The following BTRC variants were observed in gnomAD, a reference collection of about 807,000 sequenced individuals.
The protein encoded by BTRC is beta-transducin repeat containing E3 ubiquitin protein ligase, also known as F-box/WD repeat-containing protein 1A.
In BTRC, 42 loss-of-function variants were observed where a neutral mutation model predicts 85.5. The ratio of observed to expected loss-of-function variants is 0.49; its 90% confidence interval spans 0.38 to 0.64. The LOEUF (loss-of-function observed/expected upper bound fraction) is 0.64. Among genes scored for constraint, BTRC ranks in the 30% least tolerant of loss-of-function variants. The probability of loss-of-function intolerance (pLI) is 0.00; values close to 1 mark genes in which losing one functional copy is unlikely to be tolerated. For missense variants in BTRC, 594 were observed against 743.5 expected (o/e 0.80, Z 2.34); for synonymous variants, 255 against 263.3 (o/e 0.97, Z 0.30).
intron 1 of BTRC, among the ~76,000 whole-genome samples, chr10:101,368,151 T>A (rs565950737): frequency 6.6e-6 from 1 of 152,322 alleles, no homozygotes; most frequent in East Asian, 1.9e-4. Context: ...CTTTTGGAAA[T>A]AAGTGAGTTC....
chr10:101,470,519 G>A (rs1219478096), intron 3 of BTRC, among the ~76,000 whole-genome samples: 4 of 151,750 alleles, frequency 2.6e-5, no homozygotes, highest in Admixed American at 1.3e-4. Context: ...TAGTAGAGAC[G>A]GGGTTTCACC....
chr10:101,395,361 T>C (rs1943338190), intron 1 of BTRC, among the ~76,000 whole-genome samples: 1 of 152,210 alleles, frequency 6.6e-6, no homozygotes, highest in South Asian at 2.1e-4. Flanking sequence ...CCCTCTGTGC[T>C]GCTGTTCTTC....
At chr10:101,367,266 C>T (rs1348099314) in intron 1 of BTRC, among the ~76,000 whole-genome samples, 2 of 149,958 alleles carry the variant, frequency 1.3e-5, no homozygotes, top group Non-Finnish European at 2.9e-5. Flanking sequence ...GACAAGGTTT[C>T]GCCATGTTGG....
intron 1 of BTRC, among the ~76,000 whole-genome samples, chr10:101,372,652 G>A (rs1942672918): frequency 6.7e-6 from 1 of 149,684 alleles, no homozygotes; most frequent in South Asian, 2.1e-4. Context: ...ATCACCTGAG[G>A]TCAGGAGTTG....
chr10:101,545,721 T>C (rs1281009688), intron 13 of BTRC, among the ~76,000 whole-genome samples: 2 of 152,214 alleles, frequency 1.3e-5, no homozygotes, highest in African/African-American at 2.4e-5. Context: ...GGGAAATTAA[T>C]TTCTATTTTT....
chr10:101,461,157 C>T (rs1375725256), intron 2 of BTRC, among the ~76,000 whole-genome samples: 1 of 152,152 alleles, frequency 6.6e-6, no homozygotes, highest in Non-Finnish European at 1.5e-5. Flanking sequence ...CCGCCTTGGC[C>T]TCCCAAAGTG....
At chr10:101,397,399 G>A (rs912688465) in intron 1 of BTRC, among the ~76,000 whole-genome samples, 1 of 152,176 alleles carries the variant, frequency 6.6e-6, no homozygotes, top group African/African-American at 2.4e-5. Flanking sequence ...AAAGTAAATA[G>A]TGTAAGAAAA....
chr10:101,533,089 T>G lies in BTRC; in HGVS notation c.1097+19T>G, dbSNP rs373000514. 39 of 1,522,114 alleles carry G rather than the reference T, an allele frequency of 2.6e-5. No individual in the cohort carries two copies. The Admixed American group carries it at 3.2e-4, about 12-fold the overall frequency. 94.3% of individuals were successfully genotyped at this position (1,522,114 alleles called of 1,614,324 possible). Reference sequence around the variant, plus strand: ...CGGTCAGGTAGAAAATTTCAAATGCTTTTTTGAACTCTGAAATATCAGCTC... The same window carrying G: ...CGGTCAGGTAGAAAATTTCAAATGCGTTTTTGAACTCTGAAATATCAGCTC... On this transcript the variant is annotated intron_variant, in intron 9 of 14. Coordinates refer to ENST00000370187, the MANE Select transcript of BTRC (RefSeq NM_033637.4).
At chr10:101,392,115 G>T (rs1371404429) in intron 1 of BTRC, among the ~76,000 whole-genome samples, 1 of 152,146 alleles carries the variant, frequency 6.6e-6, no homozygotes, top group Non-Finnish European at 1.5e-5. Context: ...ATGTAGCTGG[G>T]ATTACTGGCG....
Position 101,518,027 on chromosome 10 carries a change from C to T in BTRC, c.325-3612C>T, listed in dbSNP as rs567281031. Reference sequence around the variant, plus strand: ...TCCCGGGTTCACGCCATTCTCCTGCCTCAGCCTCCCAAGTAGCTGGGACTA... The same window carrying T: ...TCCCGGGTTCACGCCATTCTCCTGCTTCAGCCTCCCAAGTAGCTGGGACTA... On this transcript the variant is annotated intron_variant, in intron 4 of 14. Transcript: ENST00000370187. Among the ~76,000 whole-genome samples, 236 of 150,712 alleles carry T rather than the reference C, an allele frequency of 1.6e-3. 2 individuals carry two copies. Among genetic ancestry groups the T allele is most frequent in the African/African-American group, 5.6e-3 (230 of 41,124 alleles).
chr10:101,370,061 T>C (rs1942588639), intron 1 of BTRC, among the ~76,000 whole-genome samples: 1 of 152,018 alleles, frequency 6.6e-6, no homozygotes, highest in African/African-American at 2.4e-5. Flanking sequence ...ACTTCAACAC[T>C]CTGTGCAGGG....
intron 4 of BTRC, among the ~76,000 whole-genome samples, chr10:101,503,267 C>T (rs1237787592): frequency 6.6e-6 from 1 of 152,158 alleles, no homozygotes; most frequent in Non-Finnish European, 1.5e-5. Context: ...TATAGAAATG[C>T]ATTTATCCAT....
chr10:101,449,973 C>T (rs551816516), intron 2 of BTRC, among the ~76,000 whole-genome samples: 2 of 147,098 alleles, frequency 1.4e-5, no homozygotes, highest in Non-Finnish European at 1.5e-5. Context: ...TAATTGCATT[C>T]GTACATTAAG....
chr10:101,470,329 C>CTTTTTTTTTTT (rs950644281), intron 3 of BTRC, among the ~76,000 whole-genome samples: 6 of 94,906 alleles, frequency 6.3e-5, no homozygotes, highest in Non-Finnish European at 1.2e-4. Flanking sequence ...ATTTTTCTTT[C>CTTTTTTTTTTT]TTTTTTTTTT....
chr10:101,529,830 A>G (rs1423510405), intron 6 of BTRC, among the ~76,000 whole-genome samples: 2 of 152,304 alleles, frequency 1.3e-5, no homozygotes, highest in East Asian at 1.9e-4. Flanking sequence ...TAATGGAGCT[A>G]TAGAGGGAGG....
At chr10:101,472,541 T>A (rs1465975201) in intron 3 of BTRC, among the ~76,000 whole-genome samples, 1 of 151,812 alleles carries the variant, frequency 6.6e-6, no homozygotes, top group Non-Finnish European at 1.5e-5. Context: ...CAGCTGGGCG[T>A]GGTGGCTCAT....
intron 1 of BTRC, among the ~76,000 whole-genome samples, chr10:101,369,029 A>T (rs1437830082): frequency 7.2e-5 from 11 of 152,024 alleles, no homozygotes; most frequent in Non-Finnish European, 1.6e-4. Context: ...AAATAATAAT[A>T]ATAATAACAT....
chr10:101,387,148 C>T (rs569805331), intron 1 of BTRC, among the ~76,000 whole-genome samples: 11 of 151,980 alleles, frequency 7.2e-5, no homozygotes, highest in Non-Finnish European at 1.0e-4. Context: ...CAGTGCCATA[C>T]TATCTTATTC....
chr10:101,547,087 G>C (rs2062569278), intron 13 of BTRC, among the ~76,000 whole-genome samples: 1 of 152,136 alleles, frequency 6.6e-6, no homozygotes, highest in Non-Finnish European at 1.5e-5. Flanking sequence ...TAATGGCTAA[G>C]CTATGAAGTT....
Sources: allele counts gnomAD v4.1 joint callset (sites outside exome capture counted in the v4.1 genomes callset), GRCh38; gene constraint gnomAD v4.1.1; transcripts MANE v1.5; gene names NCBI Gene and HGNC (gene_info 2026-07-23, HGNC 2026-07-21).